Variants in CFAP52 observed in about 807,000 individuals in gnomAD.
The protein encoded by CFAP52 is cilia- and flagella-associated protein 52.
Under a neutral mutation model 70.5 loss-of-function variants are expected in CFAP52, and 57 were observed. The ratio of observed to expected loss-of-function variants is 0.81; its 90% CI spans 0.65 to 1.01. The LOEUF is 1.01. Among genes scored for constraint, CFAP52 ranks in the 50% least tolerant of loss-of-function variants. The pLI is 0.00. For synonymous variants in CFAP52, 267 were observed against 292.5 expected, an observed-to-expected ratio of 0.91 and a Z score of 0.89; for missense variants, 785 against 788.5, an observed-to-expected ratio of 1.00 and a Z score of 0.05.
At chr17:9,632,254 GT>G (rs112964538) in intron 9 of CFAP52, among the ~76,000 whole-genome samples, 1,951 of 137,586 alleles carry the variant, frequency 0.014, 49 homozygotes, top group African/African-American at 0.048. Context: ...GTTTTTTTTT[GT>G]TTTTTTTTTT....
chr17:9,611,472 A>G (rs1043744034), intron 7 of CFAP52, among the ~76,000 whole-genome samples: 19 of 152,114 alleles, frequency 1.2e-4, no homozygotes, highest in Non-Finnish European at 2.4e-4. Flanking sequence ...CTTCTACCTC[A>G]GACTCCCAAG....
chr17:9,637,939 T>C (rs1302609038), intron 11 of CFAP52, among the ~76,000 whole-genome samples: 1 of 151,758 alleles, frequency 6.6e-6, no homozygotes, highest in Non-Finnish European at 1.5e-5. Context: ...GGAGGCCAGC[T>C]CCCTCTTGGG....
intron 8 of CFAP52, among the ~76,000 whole-genome samples, chr17:9,616,023 G>A (rs576618996): frequency 7.3e-5 from 11 of 150,688 alleles, no homozygotes; most frequent in South Asian, 2.1e-4. Flanking sequence ...GAACAGCTCC[G>A]GTCTACAGCT....
At chr17:9,604,575 G>A (rs955482175) in intron 6 of CFAP52, among the ~76,000 whole-genome samples, 2 of 151,442 alleles carry the variant, frequency 1.3e-5, no homozygotes, top group East Asian at 1.9e-4. Context: ...TAAGACCAGC[G>A]GGGCCAACAT....
chr17:9,639,702 T>A (rs1393558120), intron 12 of CFAP52, among the ~76,000 whole-genome samples: 1 of 152,120 alleles, frequency 6.6e-6, no homozygotes, highest in Non-Finnish European at 1.5e-5. Flanking sequence ...GGTGACATGA[T>A]ACTGGCGGGC....
chr17:9,598,397 G>A, intron 5 of CFAP52, 64 bp downstream of exon 5: 1 of 1,393,174 alleles, frequency 7.2e-7, no homozygotes, highest in Admixed American at 1.7e-5. Context: ...TGCTGACCAA[G>A]GTGTTTGTGT....
intron 9 of CFAP52, among the ~76,000 whole-genome samples, chr17:9,631,677 T>C (rs59392801): frequency 0.014 from 2,156 of 151,392 alleles, 63 homozygotes; most frequent in African/African-American, 0.049. Flanking sequence ...TGGCGGGGGT[T>C]GGGGGTCGGG....
chr17:9,599,922 G>A, intron 5 of CFAP52, 145 bp from the exon 6 acceptor site: 1 of 603,964 alleles, frequency 1.7e-6, no homozygotes, highest in Non-Finnish European at 3.0e-6. Context: ...TGTATTTTCA[G>A]TAGAGACAGG....
intron 9 of CFAP52, 25 bp downstream of exon 9, chr17:9,628,845 G>T (rs1223653266): frequency 6.2e-7 from 1 of 1,613,260 alleles, no homozygotes; most frequent in African/African-American, 1.3e-5. Flanking sequence ...TCAAGATCTG[G>T]CTTGGGGCTC....
intron 11 of CFAP52, 29 bp from the exon 12 acceptor site, chr17:9,638,580 C>G (rs1910911670): frequency 1.9e-6 from 3 of 1,603,706 alleles, no homozygotes; most frequent in Non-Finnish European, 2.6e-6. Flanking sequence ...AGAAAGTCGA[C>G]TTTCACAGCT....
intron 8 of CFAP52, among the ~76,000 whole-genome samples, chr17:9,627,865 C>T (rs745601919): frequency 1.3e-5 from 2 of 152,106 alleles, no homozygotes; most frequent in Non-Finnish European, 2.9e-5. Flanking sequence ...GGACCACAGG[C>T]ATGCATCACT....
intron 3 of CFAP52, chr17:9,590,485 C>G: frequency 5.6e-6 from 1 of 179,062 alleles, no homozygotes; most frequent in Non-Finnish European, 1.2e-5. Context: ...ATTCTCATGG[C>G]TTTGGCCACT....
At chr17:9,610,012 A>T (rs899424788) in intron 7 of CFAP52, among the ~76,000 whole-genome samples, 1 of 151,790 alleles carries the variant, frequency 6.6e-6, no homozygotes, top group African/African-American at 2.4e-5. Context: ...AGAGAGAGAG[A>T]CAGAGACAGA....
intron 1 of CFAP52, among the ~76,000 whole-genome samples, chr17:9,579,844 A>C (rs954037945): frequency 2.6e-5 from 4 of 152,266 alleles, no homozygotes; most frequent in African/African-American, 7.2e-5. Context: ...CTGGGATTAC[A>C]GGCGTGAGCC....
At chr17:9,642,674 A>C (rs770574506) in intron 13 of CFAP52, among the ~76,000 whole-genome samples, 2 of 152,212 alleles carry the variant, frequency 1.3e-5, no homozygotes, top group Non-Finnish European at 2.9e-5. Flanking sequence ...AAGTTTCACA[A>C]GTACATTGAC....
At chr17:9,585,450 C>CCT (rs1567619803) in intron 1 of CFAP52, among the ~76,000 whole-genome samples, 3 of 152,142 alleles carry the variant, frequency 2.0e-5, no homozygotes, top group East Asian at 3.9e-4. Context: ...GGACGGATCA[C>CCT]GAGGTCAGCA....
At chr17:9,583,896 G>A (rs1053192632) in intron 1 of CFAP52, among the ~76,000 whole-genome samples, 1 of 152,214 alleles carries the variant, frequency 6.6e-6, no homozygotes, top group African/African-American at 2.4e-5. Context: ...AAAAACTCAA[G>A]AGATGAGCTT....
chr17:9,635,129 A>G (rs1027384667), intron 10 of CFAP52, among the ~76,000 whole-genome samples: 1 of 152,170 alleles, frequency 6.6e-6, no homozygotes, highest in African/African-American at 2.4e-5. Context: ...ATCGATTTGC[A>G]TAGCAGGTGT....
Position 9,594,172 on chromosome 17 carries a change from TGGTCC to T in CFAP52, c.408-20_408-16del. ...TGTTTTCTCTTTGACTTTTTTTTTTTGGTCCCTCTTATTTTGGCAGTGTGGTGGTG... is the reference window on the plus strand; with the variant it reads ...TGTTTTCTCTTTGACTTTTTTTTTTTCTCTTATTTTGGCAGTGTGGTGGTG... On this transcript the variant is annotated splice_polypyrimidine_tract_variant and intron_variant, in intron 3 of 13. Transcript: ENST00000352665. 1 of 1,545,422 alleles carries T rather than the reference TGGTCC, an allele frequency of 6.5e-7. No individual in the cohort carries two copies. Among genetic ancestry groups the T allele is most frequent in the Non-Finnish European group, 8.7e-7 (1 of 1,146,966 alleles).
Sources: gnomAD v4.1 joint callset for allele counts (sites outside exome capture counted in the v4.1 genomes callset) on GRCh38, gnomAD v4.1.1 for gene constraint, MANE v1.5 for transcripts, NCBI Gene and HGNC (gene_info 2026-07-23, HGNC 2026-07-21) for gene names.